The following RGS18 variants were observed in gnomAD, a reference collection of about 807,000 sequenced individuals.
The protein encoded by RGS18 is regulator of G protein signaling 18.
Under a neutral mutation model 27.6 loss-of-function variants are expected in RGS18, and 22 were observed. The observed-to-expected ratio is 0.80, with a 90% CI of 0.57 to 1.14. The LOEUF is 1.14. RGS18 is among the 50% of genes most tolerant of loss of function. The probability of loss-of-function intolerance (pLI) is 0.00; values close to 1 mark genes in which losing one functional copy is unlikely to be tolerated. For synonymous variants in RGS18, 89 were observed against 84.6 expected, an observed-to-expected ratio of 1.05 and a Z score of -0.29; for missense variants, 299 against 269.6, an observed-to-expected ratio of 1.11 and a Z score of -0.76.
At chr1:192,162,502 C>T (rs568210565) in intron 3 of RGS18, among the ~76,000 whole-genome samples, 58 of 152,016 alleles carry the variant, frequency 3.8e-4, no homozygotes, top group African/African-American at 1.2e-3. Flanking sequence ...ATATTGGTCT[C>T]GAACACCTGA....
chr1:192,174,155 T>G (rs1656316835), intron 3 of RGS18, among the ~76,000 whole-genome samples: 1 of 151,858 alleles, frequency 6.6e-6, no homozygotes, highest in African/African-American at 2.4e-5. Flanking sequence ...CCTTGTGATT[T>G]CTCTAACATG....
At position 192,160,360 on chromosome 1, in the gene RGS18, AT is replaced by A. The variant is rs776657979; in HGVS notation, c.222-14del. The A allele has an allele frequency of 5.7e-6, 9 of 1,589,026 alleles. No homozygotes were observed. The highest frequency in any genetic ancestry group is 8.6e-7 in the Non-Finnish European group (1 of 1,158,078). ...CTTTCTGCACACTCCATTATAAAACATTTTGTTTCTTGTACAGAGTCTCCCC... is the reference window on the plus strand; with the variant it reads ...CTTTCTGCACACTCCATTATAAAACATTTGTTTCTTGTACAGAGTCTCCCC... On this transcript the variant is annotated splice_polypyrimidine_tract_variant and intron_variant, in intron 2 of 4. Transcript: ENST00000367460.
At chr1:192,166,235 T>G (rs1656161008) in intron 3 of RGS18, among the ~76,000 whole-genome samples, 1 of 152,076 alleles carries the variant, frequency 6.6e-6, no homozygotes, top group Non-Finnish European at 1.5e-5. Context: ...TGCTAAACAG[T>G]TTTTTAAAAT....
intron 4 of RGS18, among the ~76,000 whole-genome samples, chr1:192,181,748 A>C (rs773333724): frequency 9.9e-5 from 15 of 151,566 alleles, no homozygotes; most frequent in Non-Finnish European, 2.1e-4. Context: ...TATACCATGT[A>C]TTATTATTCA....
chr1:192,179,421 C>T (rs1471448421), intron 3 of RGS18, among the ~76,000 whole-genome samples: 2 of 151,514 alleles, frequency 1.3e-5, no homozygotes, highest in Non-Finnish European at 3.0e-5. Flanking sequence ...AGTGCAACTA[C>T]CATACACCCA....
At chr1:192,163,874 T>A (rs201891663) in intron 3 of RGS18, among the ~76,000 whole-genome samples, 63,596 of 149,338 alleles carry the variant, frequency 0.43, 14,470 homozygotes, top group East Asian at 0.68. Context: ...TATATATTTT[T>A]TTTTTTTCTT....
At chr1:192,181,114 G>A (rs2102160811) in intron 3 of RGS18, among the ~76,000 whole-genome samples, 178 bp from the exon 4 acceptor site, 1 of 151,738 alleles carries the variant, frequency 6.6e-6, no homozygotes, top group East Asian at 1.9e-4. Flanking sequence ...TCCTTTTATA[G>A]TTGTGAAAAC....
rs1656529200 is a variant in RGS18 at position 192,185,294 on chromosome 1, T to G, written c.*740T>G. ...CAGAAACATGACCAGATTTTGCATA[T>G]CTCCAGGTAGGGAACTAAGTAGACT... is the stretch of plus-strand genomic sequence containing the variant. On this transcript the variant is annotated 3_prime_UTR_variant, in exon 5 of 5. Transcript: ENST00000367460. 6.6e-6 allele frequency: 1 copy of G among 151,610 alleles called. No individual in the cohort carries two copies. The allele number at this position is 151,610 out of a possible 1,614,324, so 9.4% of individuals were successfully genotyped here. A position where few individuals can be genotyped will look rare whatever the true frequency, so the allele number is the denominator to read the frequency against.
intron 3 of RGS18, chr1:192,168,905 T>C (rs1321754172): frequency 1.3e-5 from 2 of 152,082 alleles, no homozygotes; most frequent in African/African-American, 4.8e-5. Context: ...TCTATAAACA[T>C]GAGTATAACA....
intron 3 of RGS18, among the ~76,000 whole-genome samples, chr1:192,166,348 A>C (rs1013426900): frequency 6.6e-6 from 1 of 152,154 alleles, no homozygotes; most frequent in Non-Finnish European, 1.5e-5. Flanking sequence ...TCTTGAGATA[A>C]AGGCAAGGAA....
chr1:192,180,305 T>G (rs1054478519), intron 3 of RGS18, among the ~76,000 whole-genome samples: 6 of 151,644 alleles, frequency 4.0e-5, no homozygotes, highest in African/African-American at 1.5e-4. Flanking sequence ...TTTTAACACA[T>G]TTAATTCTCT....
In RGS18 at chr1:192,184,306, G is replaced by C; in HGVS notation, c.460G>C (p.Asp154His). ...QTDAPKEVNL[D>H]FHTKEVITNS... ...TTTTCTGTTTATCCAGGTTAACCTT[G>C]ATTTTCACACAAAAGAAGTCATTAC... Residue 154 changes from aspartate (D) to histidine (H), a missense_variant, in exon 5 of 5, where the codon GAT becomes CAT. Asp to His is a moderately conservative substitution (Grantham distance 81). Transcript: ENST00000367460. 6.2e-7 allele frequency: 1 copy of C among 1,606,858 alleles called. No homozygotes were observed. The highest frequency in any genetic ancestry group is 1.1e-5 in the South Asian group (1 of 90,756).
chr1:192,169,963 T>TA (rs1259184886), intron 3 of RGS18, among the ~76,000 whole-genome samples: 1 of 152,160 alleles, frequency 6.6e-6, no homozygotes, highest in Non-Finnish European at 1.5e-5. Flanking sequence ...TTTGAAAGAT[T>TA]AAGTAAGTAT....
At position 192,184,034 on chromosome 1, in the gene RGS18, T is replaced by G. The variant is rs530801146; in HGVS notation, c.451-263T>G. Among the ~76,000 whole-genome samples the G allele has an allele frequency of 7.5e-4, 113 of 151,636 alleles. 1 individual carries two copies. Among genetic ancestry groups the G allele is most frequent in the African/African-American group, 2.5e-3 (105 of 41,458 alleles). On this transcript the variant is annotated intron_variant, in intron 4 of 4. Transcript: ENST00000367460. ...AGATCTTGCCAGAAGCCACTCACTA[T>G]CGCAAGGACAGCACTAAGGAGATGG...
intron 3 of RGS18, among the ~76,000 whole-genome samples, chr1:192,174,026 T>C (rs1027243935): frequency 6.6e-6 from 1 of 151,738 alleles, no homozygotes; most frequent in Non-Finnish European, 1.5e-5. Flanking sequence ...TCTTTTTTTT[T>C]ACTAGACCAC....
intron 3 of RGS18, among the ~76,000 whole-genome samples, chr1:192,163,820 CTATT>C (rs1241098796): frequency 6.7e-6 from 1 of 150,252 alleles, no homozygotes; most frequent in East Asian, 1.9e-4. Flanking sequence ...CAGTTTATTT[CTATT>C]TATTTGACTC....
chr1:192,177,505 G>A (rs1318737788), intron 3 of RGS18, among the ~76,000 whole-genome samples: 1 of 151,346 alleles, frequency 6.6e-6, no homozygotes, highest in African/African-American at 2.4e-5. Flanking sequence ...GTTAGACAAG[G>A]GTCTTCGTCT....
chr1:192,184,581 G>T lies in RGS18; in HGVS notation c.*27G>T, dbSNP rs1022804403. ...GAAAATTGATTTTGCTCATTTTTATGACAAACTTATACATCTGCTTCTAAC... is the reference window on the plus strand; with the variant it reads ...GAAAATTGATTTTGCTCATTTTTATTACAAACTTATACATCTGCTTCTAAC... On this transcript the variant is annotated 3_prime_UTR_variant, in exon 5 of 5. Coordinates refer to ENST00000367460, the MANE Select transcript of RGS18 (RefSeq NM_130782.3). The T allele has an allele frequency of 1.9e-6, 3 of 1,599,062 alleles. No individual in the cohort carries two copies. The African/African-American group carries it at 4.0e-5, about 22-fold the overall frequency.
At position 192,175,999 on chromosome 1, in the gene RGS18, C is replaced by T. The variant is rs114690551; in HGVS notation, c.284-5293C>T. ...TGAATTAAATTTTGTCTATGATGTT[C>T]CAATTGCATGGCAGCCGAGGGATCC... On this transcript the variant is annotated intron_variant, in intron 3 of 4. Transcript: ENST00000367460. 9.1e-3 allele frequency among the ~76,000 whole-genome samples: 1,376 copies of T among 151,892 alleles called. 13 individuals carry two copies. The highest frequency in any genetic ancestry group is 0.034 in the Middle Eastern group (10 of 294).
Sources: gnomAD v4.1 joint callset for allele counts (sites outside exome capture counted in the v4.1 genomes callset) on GRCh38, gnomAD v4.1.1 for gene constraint, MANE v1.5 for transcripts, NCBI Gene and HGNC (gene_info 2026-07-23, HGNC 2026-07-21) for gene names.